PDE10A: variants seen among roughly 807,000 people sequenced by gnomAD.
PDE10A encodes cAMP and cAMP-inhibited cGMP 3',5'-cyclic phosphodiesterase 10A.
A neutral mutation model predicts 97.7 loss-of-function variants in PDE10A; 39 were observed. The ratio of observed to expected loss-of-function variants is 0.40; its 90% CI spans 0.31 to 0.52. The LOEUF (loss-of-function observed/expected upper bound fraction) is 0.52, where lower values mean the gene tolerates loss of function less well. Ranked by LOEUF, PDE10A falls within the 20% of genes least tolerant of loss-of-function variation. The probability of loss-of-function intolerance (pLI) is 0.56; values close to 1 mark genes in which losing one functional copy is unlikely to be tolerated. For missense variants in PDE10A, 731 were observed against 1,047.8 expected, an observed-to-expected ratio of 0.70 and a Z score of 4.17; for synonymous variants, 371 against 376.8, an observed-to-expected ratio of 0.98 and a Z score of 0.18.
chr6:165,866,150 A>T (rs990182768), intron 1 of PDE10A, among the ~76,000 whole-genome samples: 6 of 152,198 alleles, frequency 3.9e-5, no homozygotes, highest in African/African-American at 1.4e-4. Context: ...AAATGGAAAA[A>T]AAAAATAAGA....
At chr6:165,961,403 G>A (rs1345595743) in intron 1 of PDE10A, among the ~76,000 whole-genome samples, 3 of 152,210 alleles carry the variant, frequency 2.0e-5, no homozygotes, top group East Asian at 1.9e-4. Flanking sequence ...GATGAAATGC[G>A]ATCATGTGGA....
chr6:165,857,406 C>T (rs545453515), intron 1 of PDE10A, among the ~76,000 whole-genome samples: 1 of 152,326 alleles, frequency 6.6e-6, no homozygotes, highest in South Asian at 2.1e-4. Context: ...TCTGTGGGGT[C>T]AGAGAGAGGA....
chr6:165,394,271 T>C (rs1226775992), intron 15 of PDE10A, among the ~76,000 whole-genome samples: 2 of 152,112 alleles, frequency 1.3e-5, no homozygotes, highest in African/African-American at 4.8e-5. Context: ...CCTGTGTCCA[T>C]ATGTTCTCAC....
intron 1 of PDE10A, among the ~76,000 whole-genome samples, chr6:165,782,461 T>C (rs1778369264): frequency 6.6e-6 from 1 of 152,170 alleles, no homozygotes; most frequent in South Asian, 2.1e-4. Context: ...ACCAACTGCC[T>C]ACAAAATCGG....
intron 1 of PDE10A, among the ~76,000 whole-genome samples, chr6:165,891,372 C>A (rs559358129): frequency 6.6e-6 from 1 of 152,260 alleles, no homozygotes; most frequent in East Asian, 1.9e-4. Flanking sequence ...GCCCTGTTAC[C>A]ATTTCCCTGC....
At chr6:165,912,001 A>T (rs1263967976) in intron 1 of PDE10A, among the ~76,000 whole-genome samples, 1 of 151,858 alleles carries the variant, frequency 6.6e-6, no homozygotes, top group African/African-American at 2.4e-5. Flanking sequence ...ATATATATAT[A>T]TCTTTCTCTC....
At chr6:165,756,628 C>G (rs146822582) in intron 1 of PDE10A, among the ~76,000 whole-genome samples, 193 of 152,230 alleles carry the variant, frequency 1.3e-3, no homozygotes, top group African/African-American at 4.5e-3. Flanking sequence ...GTAACTAGTT[C>G]CATGTTGATG....
At chr6:165,619,433 T>G (rs1219059938) in intron 1 of PDE10A, among the ~76,000 whole-genome samples, 59 of 115,180 alleles carry the variant, frequency 5.1e-4, no homozygotes, top group African/African-American at 1.1e-3. Context: ...TGTAGTATAG[T>G]GTAGTGTAGT....
intron 1 of PDE10A, among the ~76,000 whole-genome samples, chr6:165,637,751 G>T (rs1788948415): frequency 6.6e-6 from 1 of 152,158 alleles, no homozygotes; most frequent in Non-Finnish European, 1.5e-5. Flanking sequence ...GGCACAGGCG[G>T]GGCGCGTCCT....
At chr6:165,918,684 CTA>C (rs1176818940) in intron 1 of PDE10A, among the ~76,000 whole-genome samples, 3 of 152,228 alleles carry the variant, frequency 2.0e-5, no homozygotes, top group South Asian at 2.1e-4. Context: ...ACAAATTTGG[CTA>C]TGTTTTCAGA....
intron 2 of PDE10A, among the ~76,000 whole-genome samples, chr6:165,486,790 T>C (rs1167894941): frequency 1.3e-5 from 2 of 152,230 alleles, no homozygotes; most frequent in Non-Finnish European, 2.9e-5. Context: ...TTGTGTGACC[T>C]ATTTAACCTG....
chr6:165,427,311 A>T (rs1789236557), intron 10 of PDE10A, among the ~76,000 whole-genome samples: 1 of 152,182 alleles, frequency 6.6e-6, no homozygotes, highest in South Asian at 2.1e-4. Context: ...GTACTGACCC[A>T]TGCATAATAT....
intron 1 of PDE10A, among the ~76,000 whole-genome samples, chr6:165,691,201 CCCCACACACACA>C (rs1178343431): frequency 4.2e-5 from 1 of 24,014 alleles, no homozygotes; most frequent in African/African-American, 1.3e-4. Context: ...CTCTCTCTCT[CCCCACACACACA>C]CACACACACA....
chr6:165,870,039 C>T lies in PDE10A; in HGVS notation c.-615+117490G>A, dbSNP rs74317590. 4.9e-4 allele frequency among the ~76,000 whole-genome samples: 74 copies of T among 152,128 alleles called. No homozygotes were observed. In the East Asian group the frequency reaches 0.012, roughly 24 times the overall value. On this transcript the variant is annotated intron_variant, in intron 1 of 19. Transcript: ENST00000366882. ...ACACACTTCGGGATATTGGTTTAGG[C>T]AATGATTTTATGACAAAGACTTCAA...
upstream of PDE10A, among the ~76,000 whole-genome samples, chr6:165,666,267 C>A (rs1790493764): frequency 6.6e-6 from 1 of 152,144 alleles, no homozygotes; most frequent in Admixed American, 6.6e-5. Context: ...TTCTTGAAAA[C>A]CCTGTTTCCT....
chr6:165,584,559 T>G (rs1562603176), intron 1 of PDE10A, among the ~76,000 whole-genome samples: 1 of 152,152 alleles, frequency 6.6e-6, no homozygotes, highest in Non-Finnish European at 1.5e-5. Flanking sequence ...CAGCACCATT[T>G]TGTGTCTCTT....
At chr6:165,469,860 T>G (rs1208268578) in intron 3 of PDE10A, among the ~76,000 whole-genome samples, 1 of 152,156 alleles carries the variant, frequency 6.6e-6, no homozygotes, top group Non-Finnish European at 1.5e-5. Context: ...AAGTATCATT[T>G]TGGACCATTC....
intron 2 of PDE10A, among the ~76,000 whole-genome samples, chr6:165,539,887 C>T (rs1220286662): frequency 6.6e-6 from 1 of 152,148 alleles, no homozygotes; most frequent in Non-Finnish European, 1.5e-5. Flanking sequence ...GAGCACACCA[C>T]TGCACTCCAG....
At chr6:165,896,564 G>A (rs550945094) in intron 1 of PDE10A, among the ~76,000 whole-genome samples, 8 of 132,546 alleles carry the variant, frequency 6.0e-5, no homozygotes, top group African/African-American at 1.5e-4. Context: ...TTGCTCTGTC[G>A]CCCAGGCTGG....
Sources: allele counts gnomAD v4.1 joint callset (sites outside exome capture counted in the v4.1 genomes callset), GRCh38; gene constraint gnomAD v4.1.1; transcripts MANE v1.5; gene names NCBI Gene and HGNC (gene_info 2026-07-23, HGNC 2026-07-21).